The following TTC29 variants were observed in gnomAD, a reference collection of about 807,000 sequenced individuals.
TTC29 encodes the protein tetratricopeptide repeat domain 29, also known as tetratricopeptide repeat protein 29.
TTC29 carries 49 observed loss-of-function variants against 58.1 expected under a neutral mutation model. The ratio of observed to expected loss-of-function variants is 0.84; its 90% confidence interval spans 0.67 to 1.07. TTC29 has a LOEUF of 1.07. Among genes scored for constraint, TTC29 ranks in the 50% least tolerant of loss-of-function variants. The pLI is 0.00. For synonymous variants in TTC29, 209 were observed against 196.8 expected, an observed-to-expected ratio of 1.06 and a Z score of -0.52; for missense variants, 582 against 555.6, an observed-to-expected ratio of 1.05 and a Z score of -0.48.
At chr4:146,835,413 T>C (rs1178780908) in intron 8 of TTC29, among the ~76,000 whole-genome samples, 1 of 152,204 alleles carries the variant, frequency 6.6e-6, no homozygotes, top group Non-Finnish European at 1.5e-5. Flanking sequence ...GGAATCCTAA[T>C]ATCAAAATAT....
At chr4:146,787,695 G>T (rs1000698061) in intron 11 of TTC29, among the ~76,000 whole-genome samples, 1 of 152,174 alleles carries the variant, frequency 6.6e-6, no homozygotes, top group East Asian at 1.9e-4. Context: ...GTATTCATTT[G>T]TGGGCACTGA....
chr4:146,912,341 G>A (rs1733950468), intron 4 of TTC29, among the ~76,000 whole-genome samples: 1 of 152,082 alleles, frequency 6.6e-6, no homozygotes, highest in African/African-American at 2.4e-5. Context: ...TTTTTTATTA[G>A]CAGTATTCCC....
At chr4:146,753,995 G>A (rs907996744) in intron 11 of TTC29, among the ~76,000 whole-genome samples, 5 of 151,838 alleles carry the variant, frequency 3.3e-5, no homozygotes, top group African/African-American at 9.7e-5. Flanking sequence ...CATGGCACAT[G>A]CATACACATG....
chr4:146,820,397 G>T, intron 9 of TTC29, 149 bp from the exon 10 acceptor site: 1 of 942,586 alleles, frequency 1.1e-6, no homozygotes, highest in Non-Finnish European at 1.5e-6. Flanking sequence ...TAAAATATAT[G>T]GCTTGTTTTT....
chr4:146,881,128 T>C (rs1731597717), intron 6 of TTC29, among the ~76,000 whole-genome samples: 1 of 152,174 alleles, frequency 6.6e-6, no homozygotes. Flanking sequence ...TGTCCAAAGA[T>C]GGCTGCTGGT....
At chr4:146,805,196 C>G (rs185756403) in intron 10 of TTC29, among the ~76,000 whole-genome samples, 1 of 152,200 alleles carries the variant, frequency 6.6e-6, no homozygotes, top group East Asian at 1.9e-4. Flanking sequence ...TCAACATCAA[C>G]AAAAAGGATG....
chr4:146,763,336 A>C (rs1198862774), intron 11 of TTC29, among the ~76,000 whole-genome samples: 1 of 152,092 alleles, frequency 6.6e-6, no homozygotes, highest in Non-Finnish European at 1.5e-5. Flanking sequence ...ATTCCCACAG[A>C]CTTTCCCATT....
chr4:146,797,832 T>TTATATATATATATATATA lies in TTC29; in HGVS notation c.1330+5607_1330+5624dup, dbSNP rs70958528. 3.5e-3 allele frequency among the ~76,000 whole-genome samples: 450 copies of TTATATATATATATATATA among 129,888 alleles called. 5 individuals carry two copies. The highest frequency in any genetic ancestry group is 0.01 in the African/African-American group (361 of 34,464). 85.2% of individuals were successfully genotyped at this position (129,888 alleles called of 152,430 possible). On this transcript the variant is annotated intron_variant, in intron 11 of 12. Coordinates refer to ENST00000325106, the MANE Select transcript of TTC29 (RefSeq NM_031956.4). The stretch of plus-strand genomic sequence containing the variant: ...ACAACTGGCCACTGATTACTTTGTT[T>TTATATATATATATATATA]TATATATATATATATATATATATAT...
intron 8 of TTC29, among the ~76,000 whole-genome samples, chr4:146,853,988 T>C (rs1445472623): frequency 6.6e-6 from 1 of 152,028 alleles, no homozygotes; most frequent in African/African-American, 2.4e-5. Context: ...AAGCAACTCT[T>C]AACCAATGAA....
intron 5 of TTC29, among the ~76,000 whole-genome samples, chr4:146,908,304 C>G (rs1176933396): frequency 6.6e-6 from 1 of 152,024 alleles, no homozygotes; most frequent in African/African-American, 2.4e-5. Flanking sequence ...TCTAGAATTT[C>G]ATTTTTTTAT....
At chr4:146,936,243 T>A (rs1022380003) in intron 4 of TTC29, among the ~76,000 whole-genome samples, 1 of 152,214 alleles carries the variant, frequency 6.6e-6, no homozygotes, top group Non-Finnish European at 1.5e-5. Context: ...TAGCCTATTT[T>A]GCATTGTCTT....
intron 11 of TTC29, among the ~76,000 whole-genome samples, chr4:146,782,944 A>C (rs1188620057): frequency 6.6e-6 from 1 of 152,040 alleles, no homozygotes; most frequent in Non-Finnish European, 1.5e-5. Flanking sequence ...TGGTCCCCTC[A>C]AGAGTTCTGT....
At chr4:146,801,584 G>A (rs777976824) in intron 11 of TTC29, among the ~76,000 whole-genome samples, 7 of 151,464 alleles carry the variant, frequency 4.6e-5, no homozygotes, top group African/African-American at 1.5e-4. Flanking sequence ...ATATGCTTTT[G>A]TTCTGCTCCT....
chr4:146,728,958 A>G (rs1275459030), intron 11 of TTC29, among the ~76,000 whole-genome samples: 3 of 149,366 alleles, frequency 2.0e-5, no homozygotes, highest in Non-Finnish European at 4.4e-5. Flanking sequence ...GAAGGAAGGG[A>G]CTTTGTTTTG....
At chr4:146,865,558 T>C (rs1451546712) in intron 8 of TTC29, among the ~76,000 whole-genome samples, 1 of 152,194 alleles carries the variant, frequency 6.6e-6, no homozygotes, top group Non-Finnish European at 1.5e-5. Flanking sequence ...TCAGGTACTA[T>C]GCTCACTATC....
intron 4 of TTC29, among the ~76,000 whole-genome samples, chr4:146,920,811 G>A (rs1440955992): frequency 6.6e-6 from 1 of 150,618 alleles, no homozygotes; most frequent in Non-Finnish European, 1.5e-5. Context: ...GTATGTCTTG[G>A]GTGAGAAATT....
intron 3 of TTC29, among the ~76,000 whole-genome samples, chr4:146,938,019 A>G (rs908781769): frequency 6.6e-6 from 1 of 152,112 alleles, no homozygotes; most frequent in Non-Finnish European, 1.5e-5. Flanking sequence ...GAAGTTATAT[A>G]TTGTTTGGCA....
At chr4:146,728,752 G>GAT (rs576601005) in intron 11 of TTC29, among the ~76,000 whole-genome samples, 56 of 68,272 alleles carry the variant, frequency 8.2e-4, no homozygotes, top group African/African-American at 2.3e-3. Flanking sequence ...CTGTCCAGAG[G>GAT]ATATATGTAC....
intron 6 of TTC29, among the ~76,000 whole-genome samples, chr4:146,898,955 T>C (rs571722673): frequency 2.0e-5 from 3 of 152,294 alleles, no homozygotes; most frequent in East Asian, 3.9e-4. Context: ...CTTAAGTCCA[T>C]GAATTTGGTC....
Sources: allele counts gnomAD v4.1 joint callset (sites outside exome capture counted in the v4.1 genomes callset), GRCh38; gene constraint gnomAD v4.1.1; transcripts MANE v1.5; gene names NCBI Gene and HGNC (gene_info 2026-07-23, HGNC 2026-07-21).